The following MET variants were observed in gnomAD, a reference collection of about 807,000 sequenced individuals.
MET encodes the protein hepatocyte growth factor receptor.
In MET, 48 loss-of-function variants were observed where a neutral mutation model predicts 133.1. The ratio of observed to expected loss-of-function variants is 0.36; its 90% CI spans 0.29 to 0.46. The LOEUF is 0.46. Among genes scored for constraint, MET ranks in the 20% least tolerant of loss-of-function variants. The pLI, the probability that MET is intolerant of heterozygous loss-of-function variation, is 1.00. For missense variants in MET, 1,442 were observed against 1,695.9 expected (o/e 0.85, Z 2.63); for synonymous variants, 628 against 616.5 (o/e 1.02, Z -0.28).
At chr7:116,751,658 C>T (rs982205700) in intron 5 of MET, among the ~76,000 whole-genome samples, 3 of 152,148 alleles carry the variant, frequency 2.0e-5, no homozygotes, top group Non-Finnish European at 4.4e-5. Flanking sequence ...TTGCTTCAAA[C>T]ATGGTATCTG....
chr7:116,722,267 G>T (rs1444786251), intron 2 of MET, among the ~76,000 whole-genome samples: 2 of 150,560 alleles, frequency 1.3e-5, no homozygotes, highest in African/African-American at 4.9e-5. Flanking sequence ...ATCTTTGTTG[G>T]TTTAAAGTCT....
chr7:116,754,903 G>GAAAGAA (rs1584937784), intron 5 of MET, among the ~76,000 whole-genome samples: 1 of 81,400 alleles, frequency 1.2e-5, no homozygotes, highest in East Asian at 4.5e-4. Flanking sequence ...GAGAAAGAAA[G>GAAAGAA]AAAGAAAGAA....
At chr7:116,750,763 T>C (rs914006228) in intron 5 of MET, among the ~76,000 whole-genome samples, 4 of 152,060 alleles carry the variant, frequency 2.6e-5, no homozygotes, top group African/African-American at 9.7e-5. Flanking sequence ...GGGCCAAGGA[T>C]ATAAACAGAC....
intron 2 of MET, among the ~76,000 whole-genome samples, chr7:116,728,962 A>G (rs1004649513): frequency 2.0e-5 from 3 of 152,206 alleles, no homozygotes; most frequent in African/African-American, 7.2e-5. Context: ...AGACAACCAC[A>G]AAAACCTGAG....
intron 15 of MET, among the ~76,000 whole-genome samples, chr7:116,776,406 G>T (rs1050197733): frequency 4.6e-5 from 7 of 152,166 alleles, no homozygotes; most frequent in Admixed American, 6.5e-5. Context: ...ATTTTAGAGT[G>T]TGTGGACTCA....
At chr7:116,741,125 C>T (rs2116840106) in intron 5 of MET, 100 bp downstream of exon 5, 1 of 1,337,128 alleles carries the variant, frequency 7.5e-7, no homozygotes, top group Non-Finnish European at 1.0e-6. Context: ...GATACAAATC[C>T]CACTAATGAA....
At chr7:116,782,231 G>T in intron 18 of MET, 134 bp downstream of exon 18, 1 of 723,002 alleles carries the variant, frequency 1.4e-6, no homozygotes, top group African/African-American at 1.7e-5. Flanking sequence ...ATCTTAAATC[G>T]ATGTGTAAGC....
Position 116,771,490 on chromosome 7 carries a change from A to T in MET, c.2731-8A>T, listed in dbSNP as rs538856434. The T allele has an allele frequency of 1.7e-5, 27 of 1,613,606 alleles. 1 individual carries two copies. In the East Asian group the frequency reaches 5.8e-4, roughly 35 times the overall value. On this transcript the variant is annotated splice_polypyrimidine_tract_variant and splice_region_variant and intron_variant, in intron 12 of 20. Transcript: ENST00000397752. ...AAATGCTGACTTTTCTTTATTTGTCATTTTTAGTGGAAGCAAGCAATTTCT... is the reference window on the plus strand; with the variant it reads ...AAATGCTGACTTTTCTTTATTTGTCTTTTTTAGTGGAAGCAAGCAATTTCT...
intron 16 of MET, among the ~76,000 whole-genome samples, chr7:116,777,907 C>T (rs949166349): frequency 1.1e-4 from 16 of 152,130 alleles, no homozygotes; most frequent in South Asian, 2.1e-4. Context: ...GAGAAAACTA[C>T]GCTGGCCAAA....
intron 2 of MET, among the ~76,000 whole-genome samples, chr7:116,716,402 T>C (rs1298096753): frequency 1.2e-5 from 1 of 80,444 alleles, no homozygotes; most frequent in Admixed American, 1.4e-4. Flanking sequence ...GAAAGAGAAA[T>C]ATGAAAGAAA....
intron 8 of MET, 67 bp downstream of exon 8, chr7:116,757,841 C>T (rs1794248908): frequency 6.5e-7 from 1 of 1,543,550 alleles, no homozygotes; most frequent in Non-Finnish European, 8.9e-7. Context: ...AAAAATTAAG[C>T]AGATTGTTTT....
intron 1 of MET, among the ~76,000 whole-genome samples, chr7:116,690,073 G>A (rs903852843): frequency 6.6e-6 from 1 of 152,142 alleles, no homozygotes; most frequent in Non-Finnish European, 1.5e-5. Context: ...GGACTAAAGT[G>A]ATGAAACAGT....
intron 1 of MET, among the ~76,000 whole-genome samples, chr7:116,684,535 T>C (rs926683171): frequency 1.3e-5 from 2 of 152,208 alleles, no homozygotes; most frequent in African/African-American, 4.8e-5. Flanking sequence ...AGGTAAGAGA[T>C]GCATCAGAGA....
chr7:116,777,296 A>G, intron 15 of MET, 93 bp from the exon 16 acceptor site: 1 of 1,077,784 alleles, frequency 9.3e-7, no homozygotes, highest in Non-Finnish European at 1.4e-6. Context: ...TAGAAAGAAG[A>G]AAGAATAAAA....
At chr7:116,777,297 A>G (rs1191770065) in intron 15 of MET, 92 bp from the exon 16 acceptor site, 2 of 1,083,608 alleles carry the variant, frequency 1.8e-6, no homozygotes, top group African/African-American at 3.1e-5. Flanking sequence ...AGAAAGAAGA[A>G]AGAATAAAAT....
rs114079927 is a variant in MET, at chr7:116,792,913, A to G, written c.3799-2742A>G. ...AAGGATTAAATAAGATGTTTTGTAA[A>G]GGATATAATGCCTATGCATGAATCA... On this transcript the variant is annotated intron_variant, in intron 19 of 20. Transcript: ENST00000397752. Among the ~76,000 whole-genome samples the G allele has an allele frequency of 1.8e-3, 272 of 152,346 alleles. 2 individuals are homozygous for G. Among genetic ancestry groups the G allele is most frequent in the African/African-American group, 5.3e-3 (222 of 41,584 alleles).
At chr7:116,784,111 A>C (rs1471370270) in intron 19 of MET, among the ~76,000 whole-genome samples, 1 of 152,176 alleles carries the variant, frequency 6.6e-6, no homozygotes, top group East Asian at 1.9e-4. Context: ...TGGGCAATGG[A>C]AATACCGATC....
At chr7:116,741,066 TG>T (rs756554970) in intron 5 of MET, 41 bp downstream of exon 5, 27 of 1,581,244 alleles carry the variant, frequency 1.7e-5, no homozygotes, top group East Asian at 6.8e-5. Context: ...TTTTGTTTGG[TG>T]TTTTTTTTTT....
chr7:116,741,620 C>T (rs1258141410), intron 5 of MET, among the ~76,000 whole-genome samples: 1 of 152,078 alleles, frequency 6.6e-6, no homozygotes, highest in African/African-American at 2.4e-5. Flanking sequence ...GATTATTTCC[C>T]GGGGTGAGGT....
Sources: allele counts gnomAD v4.1 joint callset (sites outside exome capture counted in the v4.1 genomes callset), GRCh38; gene constraint gnomAD v4.1.1; transcripts MANE v1.5; gene names NCBI Gene and HGNC (gene_info 2026-07-23, HGNC 2026-07-21).